The following PROSER2 variants were observed in gnomAD, a reference collection of about 807,000 sequenced individuals.
The protein encoded by PROSER2 is proline and serine rich 2, also known as proline and serine-rich protein 2.
PROSER2 carries 18 observed loss-of-function variants against 14.6 expected under a neutral mutation model. The ratio of observed to expected loss-of-function variants is 1.23; its 90% CI spans 0.85 to 1.83. The LOEUF (loss-of-function observed/expected upper bound fraction) is 1.83. Ranked by LOEUF, PROSER2 falls within the 40% of genes most tolerant of loss-of-function variation. The probability of loss-of-function intolerance (pLI) is 0.00; values close to 1 mark genes in which losing one functional copy is unlikely to be tolerated. For synonymous variants in PROSER2, 367 were observed against 286.4 expected (o/e 1.28, Z -2.84); for missense variants, 823 against 629.8 (o/e 1.31, Z -3.28).
At chr10:11,825,170 T>G (rs1267931739) in intron 1 of PROSER2, among the ~76,000 whole-genome samples, 6 of 152,226 alleles carry the variant, frequency 3.9e-5, no homozygotes, top group African/African-American at 1.4e-4. Flanking sequence ...CTCAGATAAC[T>G]CCAGGAGTGG....
At position 11,838,200 on chromosome 10, in the gene PROSER2, A is replaced by AC. The variant is rs770771434; in HGVS notation, c.-81-13791dup. On this transcript the variant is annotated intron_variant, in intron 1 of 3. Coordinates refer to ENST00000277570, the MANE Select transcript of PROSER2 (RefSeq NM_153256.4). This position sits in a 1 kb window ranked among gnomAD's most constrained non-coding sequence, Gnocchi z 4.4. The stretch of plus-strand genomic sequence containing the variant: ...CAGGTCATGCCCCCGACACACACTC[A>AC]CCCCCCAGACTCACCAGTGGCATTC... Among the ~76,000 whole-genome samples the AC allele has an allele frequency of 6.8e-6, 1 of 148,094 alleles. No homozygotes were observed. Among genetic ancestry groups the AC allele is most frequent in the Non-Finnish European group, 1.5e-5 (1 of 66,662 alleles).
chr10:11,869,934 AG>A lies in PROSER2; in HGVS notation c.838del (p.Glu280SerfsTer73), dbSNP rs764279374. 6.5e-7 allele frequency: 1 copy of A among 1,543,314 alleles called. No homozygotes were observed. ...CTGTCCAGGGCGGCCGTCAGCGTGC[AG>A]GAGCGCAGGGCGCAGGTGTTGGCCA... is the stretch of plus-strand genomic sequence containing the variant. Reference protein sequence around the residue: ...RTLSRAAVSVQERRAQVLATI... With the variant: ...RTLSRAAVSVXERRAQVLATI... On this transcript the variant is annotated frameshift_variant, in exon 4 of 4. Coordinates refer to ENST00000277570, the MANE Select transcript of PROSER2 (RefSeq NM_153256.4). LOFTEE classifies it low-confidence loss of function (END_TRUNC). The surrounding 1 kb of genome is among the most constrained non-coding windows in gnomAD (Gnocchi z 4.4).
chr10:11,866,992 C>T lies in PROSER2; in HGVS notation c.391+209C>T, dbSNP rs1346469749. The stretch of plus-strand genomic sequence containing the variant: ...AATAAAGAATGGAATGGGCCAGGCG[C>T]GGTGGCTCAAGCCTGTAATCCCAGC... On this transcript the variant is annotated intron_variant, in intron 3 of 3. Transcript: ENST00000277570. This position sits in a 1 kb window ranked among gnomAD's most constrained non-coding sequence, Gnocchi z 6.0. 1.1e-4 allele frequency among the ~76,000 whole-genome samples: 16 copies of T among 152,202 alleles called. No individual in the cohort carries two copies. The highest frequency in any genetic ancestry group is 2.6e-4 in the Admixed American group (4 of 15,278).
Position 11,869,038 on chromosome 10 carries a change from G to A in PROSER2, c.392-452G>A, listed in dbSNP as rs190543251. Reference sequence around the variant, plus strand: ...ATGCTATGTAAGGACTCAGAGGCAGGCCTGTTAAATTCTCTGTCATAGAGG... The same window carrying A: ...ATGCTATGTAAGGACTCAGAGGCAGACCTGTTAAATTCTCTGTCATAGAGG... On this transcript the variant is annotated intron_variant, in intron 3 of 3. Transcript: ENST00000277570. The surrounding 1 kb of genome is among the most constrained non-coding windows in gnomAD (Gnocchi z 4.4). 6.6e-6 allele frequency among the ~76,000 whole-genome samples: 1 copy of A among 152,194 alleles called. No homozygotes were observed. The highest frequency in any genetic ancestry group is 1.5e-5 in the Non-Finnish European group (1 of 68,034).
chr10:11,866,624 G>A lies in PROSER2; in HGVS notation c.232G>A (p.Glu78Lys). ...TIDSLDEDFE[E>K]PVLCDGGVCC... Reference sequence around the variant, plus strand: ...TGACTCCCTAGACGAGGACTTTGAGGAGCCAGTGCTGTGCGATGGAGGAGT... The same window carrying A: ...TGACTCCCTAGACGAGGACTTTGAGAAGCCAGTGCTGTGCGATGGAGGAGT... The change falls in exon 3 of 4, where the codon GAG becomes AAG. Residue 78 changes from glutamate (E) to lysine (K), a missense_variant. Physicochemically the swap from Glu to Lys is moderately conservative, Grantham distance 56 (BLOSUM62 1). Coordinates refer to ENST00000277570, the MANE Select transcript of PROSER2 (RefSeq NM_153256.4). The surrounding 1 kb of genome is among the most constrained non-coding windows in gnomAD (Gnocchi z 6.0). 1 of 1,614,208 alleles carries A rather than the reference G, an allele frequency of 6.2e-7. No homozygotes were observed. The highest frequency in any genetic ancestry group is 8.5e-7 in the Non-Finnish European group (1 of 1,180,044).
chr10:11,832,990 A>G (rs1011192482), intron 1 of PROSER2, among the ~76,000 whole-genome samples: 2 of 151,470 alleles, frequency 1.3e-5, no homozygotes, highest in East Asian at 3.9e-4. Context: ...TTACAGGCAC[A>G]CGCCACCATG....
chr10:11,868,500 G>C lies in PROSER2; in HGVS notation c.392-990G>C, dbSNP rs1834398028. On this transcript the variant is annotated intron_variant, in intron 3 of 3. Transcript: ENST00000277570. ...CAGCCCAGGCTGGTCTCGAACTCTT[G>C]GGCTCAAGTGATCCTCCCACCTCAG... 5.9e-5 allele frequency among the ~76,000 whole-genome samples: 9 copies of C among 152,120 alleles called. No individual in the cohort carries two copies. The South Asian group carries it at 1.5e-3, about 25-fold the overall frequency.
Position 11,866,784 on chromosome 10 carries a change from G to A in PROSER2, c.391+1G>A, listed in dbSNP as rs559574810. Reference sequence around the variant, plus strand: ...CTTCCAGAGGGGACCCAGGCAGCAGGTGAGGGGGAAGACAGGCCATCCCTG... The same window carrying A: ...CTTCCAGAGGGGACCCAGGCAGCAGATGAGGGGGAAGACAGGCCATCCCTG... On this transcript the variant is annotated splice_donor_variant, in intron 3 of 3. Coordinates refer to ENST00000277570, the MANE Select transcript of PROSER2 (RefSeq NM_153256.4). LOFTEE classifies it high-confidence loss of function. This position sits in a 1 kb window ranked among gnomAD's most constrained non-coding sequence, Gnocchi z 6.0. 1 of 1,609,248 alleles carries A rather than the reference G, an allele frequency of 6.2e-7. No individual in the cohort carries two copies.
rs531661701 is a variant in PROSER2, at chr10:11,843,522, C to T, written c.-81-8475C>T. 1.6e-4 allele frequency among the ~76,000 whole-genome samples: 24 copies of T among 152,056 alleles called. 1 individual carries two copies. Among genetic ancestry groups the T allele is most frequent in the Middle Eastern group, 3.4e-3 (1 of 294 alleles). ...CCAACATGGTGAAACCCCGTCCCTA[C>T]TAAAGATACAAAAATTATAGGCGCG... On this transcript the variant is annotated intron_variant, in intron 1 of 3. Coordinates refer to ENST00000277570, the MANE Select transcript of PROSER2 (RefSeq NM_153256.4).
At chr10:11,835,047 C>T (rs890759153) in intron 1 of PROSER2, among the ~76,000 whole-genome samples, 1 of 149,298 alleles carries the variant, frequency 6.7e-6, no homozygotes, top group African/African-American at 2.5e-5. Flanking sequence ...GCAGAAGTTG[C>T]AGTGAGCTGA....
Position 11,866,502 on chromosome 10 carries a change from C to T in PROSER2, c.139-29C>T. Reference sequence around the variant, plus strand: ...TTAGTGAAGCCAGTGTTTGTTTTCTCTCTTCTGTTCCCAATCCCTGTACTC... The same window carrying T: ...TTAGTGAAGCCAGTGTTTGTTTTCTTTCTTCTGTTCCCAATCCCTGTACTC... On this transcript the variant is annotated intron_variant, in intron 2 of 3. Coordinates refer to ENST00000277570, the MANE Select transcript of PROSER2 (RefSeq NM_153256.4). The surrounding 1 kb of genome is among the most constrained non-coding windows in gnomAD (Gnocchi z 6.0). 1 of 1,608,092 alleles carries T rather than the reference C, an allele frequency of 6.2e-7. No individual in the cohort carries two copies. The highest frequency in any genetic ancestry group is 8.5e-7 in the Non-Finnish European group (1 of 1,176,452).
chr10:11,848,334 A>G (rs1039229274), intron 1 of PROSER2, among the ~76,000 whole-genome samples: 7 of 152,180 alleles, frequency 4.6e-5, no homozygotes, highest in Admixed American at 2.0e-4. Flanking sequence ...ATGCCCGGCT[A>G]ATTTTTATAT....
In PROSER2 at chr10:11,869,288, T is replaced by C; in HGVS notation, c.392-202T>C. 1 of 601,618 alleles carries C rather than the reference T, an allele frequency of 1.7e-6. No homozygotes were observed. Among genetic ancestry groups the C allele is most frequent in the Non-Finnish European group, 3.0e-6 (1 of 336,844 alleles). The allele number at this position is 601,618 out of a possible 1,614,324, so 37.3% of individuals were successfully genotyped here. A position where few individuals can be genotyped will look rare whatever the true frequency, so the allele number is the denominator to read the frequency against. ...GCAGGGCTATCGTGATTGTCCCTTATCAGCGTGAGGTCATGAGCATGACAT... is the reference window on the plus strand; with the variant it reads ...GCAGGGCTATCGTGATTGTCCCTTACCAGCGTGAGGTCATGAGCATGACAT... On this transcript the variant is annotated intron_variant, in intron 3 of 3. Coordinates refer to ENST00000277570, the MANE Select transcript of PROSER2 (RefSeq NM_153256.4). The surrounding 1 kb of genome is among the most constrained non-coding windows in gnomAD (Gnocchi z 4.4).
At chr10:11,867,264 C>CAAAAAAAAAAA (rs10560433) in intron 3 of PROSER2, among the ~76,000 whole-genome samples, 2 of 51,808 alleles carry the variant, frequency 3.9e-5, no homozygotes, top group African/African-American at 6.7e-5. Context: ...GACTCCGTCT[C>CAAAAAAAAAAA]AAAAAAAAAA....
intron 1 of PROSER2, among the ~76,000 whole-genome samples, chr10:11,841,532 C>T (rs1402978840): frequency 1.3e-5 from 2 of 152,116 alleles, no homozygotes; most frequent in African/African-American, 4.8e-5. Flanking sequence ...TGCCTAATGT[C>T]ACAGGCATTT....
At chr10:11,841,658 C>T (rs916318482) in intron 1 of PROSER2, among the ~76,000 whole-genome samples, 1 of 152,162 alleles carries the variant, frequency 6.6e-6, no homozygotes, top group Non-Finnish European at 1.5e-5. Flanking sequence ...AGTATAAATT[C>T]CTAGTGCCTA....
Position 11,869,364 on chromosome 10 carries a change from ACAGG to A in PROSER2, c.392-122_392-119del. 1 of 680,934 alleles carries A rather than the reference ACAGG, an allele frequency of 1.5e-6. No homozygotes were observed. Among genetic ancestry groups the A allele is most frequent in the South Asian group, 1.8e-5 (1 of 56,772 alleles). The allele number at this position is 680,934 out of a possible 1,614,324, so 42.2% of individuals were successfully genotyped here. On this transcript the variant is annotated intron_variant, in intron 3 of 3. Coordinates refer to ENST00000277570, the MANE Select transcript of PROSER2 (RefSeq NM_153256.4). This position sits in a 1 kb window ranked among gnomAD's most constrained non-coding sequence, Gnocchi z 4.4. ...GGAACAGGGAGAGAGGAGTTGACTC[ACAGG>A]CAGCACCGGCGAAGTTGGTGTCAGG...
In PROSER2 at chr10:11,869,667, C is replaced by A; in HGVS notation, c.569C>A (p.Ser190Tyr). The A allele has an allele frequency of 6.2e-7, 1 of 1,600,944 alleles. No homozygotes were observed. The highest frequency in any genetic ancestry group is 8.5e-7 in the Non-Finnish European group (1 of 1,174,190). The change falls in exon 4 of 4, where the codon TCT becomes TAT. Residue 190 changes from serine (S) to tyrosine (Y), a missense_variant. Ser to Tyr is a moderately radical substitution (Grantham distance 144). Coordinates refer to ENST00000277570, the MANE Select transcript of PROSER2 (RefSeq NM_153256.4). The surrounding 1 kb of genome is among the most constrained non-coding windows in gnomAD (Gnocchi z 4.4). ...PPVEHPRLLR[S>Y]VPTPLVMAQK... ...GTGGAGCACCCCAGACTCCTGCGCT[C>A]TGTTCCCACGCCCCTCGTTATGGCG...
Position 11,836,388 on chromosome 10 carries a change from G to A in PROSER2, c.-82+12918G>A, listed in dbSNP as rs1399326557. ...ATTTTTGCATTTTTGGTAGAGATGG[G>A]GTTTCACCATGTTAGCCAGGCTGGT... On this transcript the variant is annotated intron_variant, in intron 1 of 3. Transcript: ENST00000277570. The surrounding 1 kb of genome is among the most constrained non-coding windows in gnomAD (Gnocchi z 4.6). 6.6e-6 allele frequency among the ~76,000 whole-genome samples: 1 copy of A among 151,918 alleles called. No individual in the cohort carries two copies. Among genetic ancestry groups the A allele is most frequent in the Non-Finnish European group, 1.5e-5 (1 of 67,986 alleles).
Sources: allele counts gnomAD v4.1 joint callset (sites outside exome capture counted in the v4.1 genomes callset), GRCh38; gene constraint gnomAD v4.1.1; non-coding constraint Gnocchi (gnomAD v3.1); transcripts MANE v1.5; gene names NCBI Gene and HGNC (gene_info 2026-07-23, HGNC 2026-07-21).